ANKMY2: variants seen among roughly 807,000 people sequenced by gnomAD.
ANKMY2 encodes the protein ankyrin repeat and MYND domain containing 2, also known as ankyrin repeat and MYND domain-containing protein 2.
In ANKMY2, 36 loss-of-function variants were observed where a neutral mutation model predicts 50.4. The observed-to-expected ratio is 0.71, with a 90% CI of 0.55 to 0.94. ANKMY2 has a LOEUF of 0.94. Ranked by LOEUF, ANKMY2 falls within the 40% of genes least tolerant of loss-of-function variation. The pLI, the probability that ANKMY2 is intolerant of heterozygous loss-of-function variation, is 0.00. For synonymous variants in ANKMY2, 187 were observed against 178.8 expected, an observed-to-expected ratio of 1.05 and a Z score of -0.36; for missense variants, 565 against 524.0, an observed-to-expected ratio of 1.08 and a Z score of -0.76.
chr7:16,628,547 C>T (rs541887030), intron 2 of ANKMY2, among the ~76,000 whole-genome samples: 5 of 152,108 alleles, frequency 3.3e-5, no homozygotes, highest in African/African-American at 1.2e-4. Flanking sequence ...ATCTCATTGC[C>T]GTGCTTCAAG....
At chr7:16,625,639 C>T (rs868293635) in intron 3 of ANKMY2, among the ~76,000 whole-genome samples, 9 of 152,218 alleles carry the variant, frequency 5.9e-5, no homozygotes, top group South Asian at 2.1e-4. Flanking sequence ...CATTCATTTT[C>T]GCAAGTTTGA....
At chr7:16,644,498 C>G (rs1221997022) in intron 1 of ANKMY2, 1 of 328,362 alleles carries the variant, frequency 3.0e-6, no homozygotes, top group Non-Finnish European at 6.0e-6. Context: ...AGCCTGGCTA[C>G]TAAGTAAATA....
At chr7:16,601,009 T>C in intron 9 of ANKMY2, 64 bp from the exon 10 acceptor site, 1 of 1,276,244 alleles carries the variant, frequency 7.8e-7, no homozygotes, top group Non-Finnish European at 1.1e-6. Flanking sequence ...CTCAATGCTT[T>C]ACATGTATTA....
rs1328536275 is a variant in ANKMY2, at chr7:16,603,720, T to C, written c.1011+1001A>G. 3 of 470,894 alleles carry C rather than the reference T, an allele frequency of 6.4e-6. No individual in the cohort carries two copies. In the East Asian group the frequency reaches 2.1e-4, roughly 33 times the overall value. 29.2% of individuals were successfully genotyped at this position (470,894 alleles called of 1,614,324 possible). On this transcript the variant is annotated intron_variant, in intron 8 of 9. Transcript: ENST00000306999. ...ATGTAATTTGTTTCAACCAACAGCA[T>C]GAAACAACATGGCAATTTCAAGGCT...
intron 4 of ANKMY2, 73 bp from the exon 5 acceptor site, chr7:16,615,977 T>G (rs1781340232): frequency 7.0e-7 from 1 of 1,420,318 alleles, no homozygotes; most frequent in Non-Finnish European, 9.5e-7. Context: ...AAATTAATTA[T>G]GTTGCTATTT....
At position 16,636,453 on chromosome 7, in the gene ANKMY2, T is replaced by C. The variant is rs779808558; in HGVS notation, c.70A>G (p.Thr24Ala). ...KELLEVIGKG[T>A]VQEAGTLLSS... Reference sequence around the variant, plus strand: ...AATAATGTTCCAGCTTCTTGGACAGTACCTAAAAAAAAAAAAAAGATGAAA... The same window carrying C: ...AATAATGTTCCAGCTTCTTGGACAGCACCTAAAAAAAAAAAAAAGATGAAA... The change falls in exon 2 of 10, where the codon ACT becomes GCT. Residue 24 changes from threonine to alanine, a missense_variant and splice_region_variant. By Grantham distance (58) the Thr-to-Ala change is moderately conservative. Transcript: ENST00000306999. 6.4e-7 allele frequency: 1 copy of C among 1,560,648 alleles called. No homozygotes were observed. Among genetic ancestry groups the C allele is most frequent in the Non-Finnish European group, 8.7e-7 (1 of 1,155,118 alleles).
rs183380738 is a variant in ANKMY2, at chr7:16,622,721, C to A, written c.370+2262G>T. Among the ~76,000 whole-genome samples, 1,303 of 151,518 alleles carry A rather than the reference C, an allele frequency of 8.6e-3. 24 individuals carry two copies. Among genetic ancestry groups the A allele is most frequent in the African/African-American group, 0.029 (1,214 of 41,244 alleles). On this transcript the variant is annotated intron_variant, in intron 4 of 9. Coordinates refer to ENST00000306999, the MANE Select transcript of ANKMY2 (RefSeq NM_020319.3). Reference sequence around the variant, plus strand: ...GGCCACTGCACTCCAGCCTGGGCGACAGGGCGAGACTCCATCTCAAAAATA... The same window carrying A: ...GGCCACTGCACTCCAGCCTGGGCGAAAGGGCGAGACTCCATCTCAAAAATA...
intron 1 of ANKMY2, among the ~76,000 whole-genome samples, chr7:16,643,921 T>G (rs1429308827): frequency 6.7e-6 from 1 of 148,814 alleles, no homozygotes; most frequent in African/African-American, 2.6e-5. Context: ...GCACCTGTAG[T>G]CCCAGCCACT....
chr7:16,642,040 G>A (rs1388083192), intron 1 of ANKMY2, among the ~76,000 whole-genome samples: 1 of 103,784 alleles, frequency 9.6e-6, no homozygotes, highest in Non-Finnish European at 2.0e-5. Flanking sequence ...CCTGTAATAT[G>A]TGCAATTTAT....
intron 2 of ANKMY2, among the ~76,000 whole-genome samples, chr7:16,627,841 CAT>C (rs1781526805): frequency 7.8e-6 from 1 of 128,970 alleles, no homozygotes; most frequent in South Asian, 2.3e-4. Flanking sequence ...TCAAATCACA[CAT>C]ATATTTTGAT....
At chr7:16,630,206 T>C (rs1256501625) in intron 2 of ANKMY2, among the ~76,000 whole-genome samples, 1 of 152,194 alleles carries the variant, frequency 6.6e-6, no homozygotes, top group Non-Finnish European at 1.5e-5. Context: ...CATATTGTAA[T>C]TCATCAATTC....
chr7:16,622,603 G>A (rs1030421752), intron 4 of ANKMY2, among the ~76,000 whole-genome samples: 23 of 152,148 alleles, frequency 1.5e-4, no homozygotes, highest in Admixed American at 1.2e-3. Flanking sequence ...AGCTAGGCGT[G>A]GTGGCGCACA....
chr7:16,604,937 C>G, intron 7 of ANKMY2, 88 bp from the exon 8 acceptor site: 1 of 1,286,888 alleles, frequency 7.8e-7, no homozygotes, highest in Non-Finnish European at 1.0e-6. Context: ...CACTGCCGTC[C>G]TACAATGTGA....
intron 1 of ANKMY2, 141 bp downstream of exon 1, chr7:16,645,366 G>T: frequency 1.2e-6 from 1 of 809,892 alleles, no homozygotes; most frequent in Non-Finnish European, 1.9e-6. Flanking sequence ...AGACCAAAGG[G>T]AGAAACGCTC....
intron 1 of ANKMY2, 34 bp downstream of exon 1, chr7:16,645,473 T>A (rs940573289): frequency 1.9e-6 from 3 of 1,584,084 alleles, no homozygotes; most frequent in Non-Finnish European, 2.6e-6. Context: ...CCGGCCAGGC[T>A]GGCCGCGGCC....
chr7:16,616,564 C>T (rs1476764660), intron 4 of ANKMY2, among the ~76,000 whole-genome samples: 1 of 103,070 alleles, frequency 9.7e-6, no homozygotes, highest in Non-Finnish European at 2.0e-5. Context: ...CAAGTGTGCT[C>T]CTGCGGCGCC....
At chr7:16,627,511 C>T (rs1206206743) in intron 2 of ANKMY2, among the ~76,000 whole-genome samples, 1 of 152,060 alleles carries the variant, frequency 6.6e-6, no homozygotes, top group Non-Finnish European at 1.5e-5. Context: ...CAAACAGATA[C>T]AAACATATTT....
intron 1 of ANKMY2, among the ~76,000 whole-genome samples, chr7:16,645,064 C>G (rs1413986147): frequency 6.6e-6 from 1 of 152,054 alleles, no homozygotes; most frequent in East Asian, 1.9e-4. Context: ...CAAGCGGGGG[C>G]GGGGATCGGC....
chr7:16,645,071 CG>C (rs1264704517), intron 1 of ANKMY2, among the ~76,000 whole-genome samples: 1 of 152,076 alleles, frequency 6.6e-6, no homozygotes, highest in Non-Finnish European at 1.5e-5. Context: ...GGGCGGGGAT[CG>C]GCAAAGGATC....
Sources: gnomAD v4.1 joint callset for allele counts (sites outside exome capture counted in the v4.1 genomes callset) on GRCh38, gnomAD v4.1.1 for gene constraint, MANE v1.5 for transcripts, NCBI Gene and HGNC (gene_info 2026-07-23, HGNC 2026-07-21) for gene names.